FSHB: variants seen among roughly 807,000 people sequenced by gnomAD.
FSHB encodes the protein follicle stimulating hormone subunit beta, also known as follitropin subunit beta.
In FSHB, 8 loss-of-function variants were observed where a neutral mutation model predicts 12.1. That is an observed-to-expected ratio of 0.66 (90% CI 0.39 to 1.19). The LOEUF is 1.19. Among genes scored for constraint, FSHB ranks in the 50% most tolerant of loss-of-function variants. FSHB has a pLI of 0.01. For synonymous variants in FSHB, 55 were observed against 54.6 expected, an observed-to-expected ratio of 1.01 and a Z score of -0.04; for missense variants, 153 against 157.2, an observed-to-expected ratio of 0.97 and a Z score of 0.14.
At chr11:30,232,187 G>A in intron 2 of FSHB, 126 bp downstream of exon 2, 3 of 956,950 alleles carry the variant, frequency 3.1e-6, no homozygotes, top group Non-Finnish European at 4.8e-6. Flanking sequence ...AGCCAAGACT[G>A]TCTGTGTTGT....
chr11:30,232,104 G>A (rs374317916), intron 2 of FSHB, 43 bp downstream of exon 2: 36 of 1,595,576 alleles, frequency 2.3e-5, no homozygotes, highest in Non-Finnish European at 2.1e-5. Context: ...TTGAAGGTCT[G>A]TATTAGGCCG....
At position 30,231,984 on chromosome 11, in the gene FSHB, A is replaced by G. The variant is rs1261913889; in HGVS notation, c.82A>G (p.Ile28Val). The change falls in exon 2 of 3, where the codon ATT becomes GTT. Residue 28 changes from isoleucine (I) to valine (V), a missense_variant. By Grantham distance (29) the Ile-to-Val change is conservative. Transcript: ENST00000533718. The stretch of plus-strand genomic sequence containing the variant: ...TAGCTGTGAGCTGACCAACATCACC[A>G]TTGCAATAGAGAAAGAAGAATGTCG... ...CNSCELTNIT[I>V]AIEKEECRFC... 6.2e-7 allele frequency: 1 copy of G among 1,613,938 alleles called. No homozygotes were observed. The highest frequency in any genetic ancestry group is 1.3e-5 in the African/African-American group (1 of 75,034).
At chr11:30,232,461 C>T in intron 2 of FSHB, among the ~76,000 whole-genome samples, 1 of 152,130 alleles carries the variant, frequency 6.6e-6, no homozygotes, top group Non-Finnish European at 1.5e-5. Flanking sequence ...CAAAATCACA[C>T]CAAAATATGT....
chr11:30,233,850 T>C lies in FSHB; in HGVS notation c.*50T>C. The C allele has an allele frequency of 1.3e-6, 2 of 1,507,366 alleles. No homozygotes were observed. Among genetic ancestry groups the C allele is most frequent in the East Asian group, 2.3e-5 (1 of 43,926 alleles). 93.4% of individuals were successfully genotyped at this position (1,507,366 alleles called of 1,614,324 possible). A position where few individuals can be genotyped will look rare whatever the true frequency, so the allele number is the denominator to read the frequency against. On this transcript the variant is annotated 3_prime_UTR_variant, in exon 3 of 3. Coordinates refer to ENST00000533718, the MANE Select transcript of FSHB (RefSeq NM_001382289.1). ...ATACCCTTGTCCTGAAGGACCAAGA[T>C]ATTCAAAAAGTCTGTGTGTGTGCAA...
chr11:30,231,876 G>A lies in FSHB; in HGVS notation c.-27G>A. 6.2e-7 allele frequency: 1 copy of A among 1,613,278 alleles called. No homozygotes were observed. Among genetic ancestry groups the A allele is most frequent in the Non-Finnish European group, 8.5e-7 (1 of 1,179,438 alleles). On this transcript the variant is annotated 5_prime_UTR_variant, in exon 2 of 3. Transcript: ENST00000533718. Reference sequence around the variant, plus strand: ...TCTTTGGTTTCTCAGTTTCTAGTGGGCTTCATTGTTTGCTTCCCAGACCAG... The same window carrying A: ...TCTTTGGTTTCTCAGTTTCTAGTGGACTTCATTGTTTGCTTCCCAGACCAG...
rs1852058961 is a variant in FSHB, at chr11:30,234,703, G to C, written c.*903G>C. ...CTTTGGAATGACAAAGGATTTGAAA[G>C]TAGGTTTGAAAGCAGTTTCAGCAAT... On this transcript the variant is annotated 3_prime_UTR_variant, in exon 3 of 3. Transcript: ENST00000533718. 1 of 152,180 alleles carries C rather than the reference G, an allele frequency of 6.6e-6. No homozygotes were observed. Among genetic ancestry groups the C allele is most frequent in the African/African-American group, 2.4e-5 (1 of 41,450 alleles). The allele number at this position is 152,180 out of a possible 1,614,324, so 9.4% of individuals were successfully genotyped here. A position where few individuals can be genotyped will look rare whatever the true frequency, so the allele number is the denominator to read the frequency against.
In FSHB at chr11:30,233,778, C is replaced by A; in HGVS notation, c.368C>A (p.Ser123Tyr). The stretch of plus-strand genomic sequence containing the variant: ...CGAGGCCTGGGGCCCAGCTACTGCT[C>A]CTTTGGTGAAATGAAAGAATAAAGA... ...TVRGLGPSYC[S>Y]FGEMKE Residue 123 changes from serine to tyrosine, a missense_variant, in exon 3 of 3, where the codon TCC becomes TAC. Transcript: ENST00000533718. 1 of 1,613,832 alleles carries A rather than the reference C, an allele frequency of 6.2e-7. No homozygotes were observed. The highest frequency in any genetic ancestry group is 1.1e-5 in the South Asian group (1 of 91,056).
intron 2 of FSHB, 48 bp from the exon 3 acceptor site, chr11:30,233,522 A>G (rs1852035644): frequency 6.9e-7 from 1 of 1,443,178 alleles, no homozygotes; most frequent in East Asian, 2.3e-5. Context: ...TAAGCTAAAT[A>G]GGAACTTCCA....
intron 1 of FSHB, 75 bp from the exon 2 acceptor site, chr11:30,231,790 AT>A: frequency 8.7e-7 from 1 of 1,146,996 alleles, no homozygotes; most frequent in Non-Finnish European, 1.3e-6. Context: ...GCAAAATGTG[AT>A]TGAGGAGGAT....
rs763300762 is a variant in FSHB, at chr11:30,231,932, C to T, written c.30C>T (p.Phe10=). ...AGACACTCCAGTTTTTCTTCCTTTT[C>T]TGTTGCTGGAAAGCAATCTGCTGCA... is the stretch of plus-strand genomic sequence containing the variant. The part of the protein sequence containing the change: MKTLQFFFL[F]CCWKAICCNS... The change falls in exon 2 of 3, where the codon TTC becomes TTT. Residue 10 remains phenylalanine (F), a synonymous_variant. Coordinates refer to ENST00000533718, the MANE Select transcript of FSHB (RefSeq NM_001382289.1). 2.5e-6 allele frequency: 4 copies of T among 1,613,888 alleles called. No homozygotes were observed. The highest frequency in any genetic ancestry group is 3.4e-6 in the Non-Finnish European group (4 of 1,179,860).
At position 30,234,048 on chromosome 11, in the gene FSHB, C is replaced by G. The variant is rs1852047975; in HGVS notation, c.*248C>G. ...GGTTTATTCAGTCTTAACTCACAGA[C>G]TTGTGCCTGGTTTCTTCTTTAAAAA... On this transcript the variant is annotated 3_prime_UTR_variant, in exon 3 of 3. Coordinates refer to ENST00000533718, the MANE Select transcript of FSHB (RefSeq NM_001382289.1). 4.1e-6 allele frequency: 2 copies of G among 481,994 alleles called. No homozygotes were observed. 29.9% of individuals were successfully genotyped at this position (481,994 alleles called of 1,614,324 possible).
rs111823008 is a variant in FSHB, at chr11:30,231,855, T to C, written c.-37-11T>C. 100 of 1,605,154 alleles carry C rather than the reference T, an allele frequency of 6.2e-5. 1 individual carries two copies. The African/African-American group carries it at 1.1e-3, about 18-fold the overall frequency. ...AGCTTACATAATGATTATCGTTCTTTGGTTTCTCAGTTTCTAGTGGGCTTC... is the reference window on the plus strand; with the variant it reads ...AGCTTACATAATGATTATCGTTCTTCGGTTTCTCAGTTTCTAGTGGGCTTC... On this transcript the variant is annotated splice_polypyrimidine_tract_variant and intron_variant, in intron 1 of 2. Coordinates refer to ENST00000533718, the MANE Select transcript of FSHB (RefSeq NM_001382289.1).
In FSHB at chr11:30,233,589, C is replaced by T. The variant is rs369839978; in HGVS notation, c.179C>T (p.Pro60Leu). The change falls in exon 3 of 3, where the codon CCA (proline) becomes CTA (leucine). Residue 60 changes from proline to leucine, a missense_variant. Pro to Leu is a moderately conservative substitution (Grantham distance 98). Transcript: ENST00000533718. ...CYTRDLVYKDPARPKIQKTCT... is the reference protein window; with the variant it reads ...CYTRDLVYKDLARPKIQKTCT... Reference sequence around the variant, plus strand: ...CCTCAGGATCTGGTGTATAAGGACCCAGCCAGGCCCAAAATCCAGAAAACA... The same window carrying T: ...CCTCAGGATCTGGTGTATAAGGACCTAGCCAGGCCCAAAATCCAGAAAACA... 2 of 1,613,858 alleles carry T rather than the reference C, an allele frequency of 1.2e-6. No individual in the cohort carries two copies. The highest frequency in any genetic ancestry group is 1.7e-6 in the Non-Finnish European group (2 of 1,179,868).
Position 30,234,154 on chromosome 11 carries a change from T to G in FSHB, c.*354T>G. 5 of 326,044 alleles carry G rather than the reference T, an allele frequency of 1.5e-5. No homozygotes were observed. The highest frequency in any genetic ancestry group is 1.4e-4 in the South Asian group (5 of 36,658). 20.2% of individuals were successfully genotyped at this position (326,044 alleles called of 1,614,324 possible). On this transcript the variant is annotated 3_prime_UTR_variant, in exon 3 of 3. Transcript: ENST00000533718. ...AGGAGGAAGCAGTAATGGGAGTGAG[T>G]GAAAGAACTAACTGCAGCAGTCTTC...
Position 30,231,821 on chromosome 11 carries a change from G to T in FSHB, c.-37-45G>T, listed in dbSNP as rs914453530. On this transcript the variant is annotated intron_variant, in intron 1 of 2. Coordinates refer to ENST00000533718, the MANE Select transcript of FSHB (RefSeq NM_001382289.1). ...GAGGATGAGCAGACCAATTATTTTT[G>T]GTTTGGTCAGCTTACATAATGATTA... 1.8e-5 allele frequency: 26 copies of T among 1,477,700 alleles called. No homozygotes were observed. In the South Asian group the frequency reaches 3.0e-4, roughly 17 times the overall value. The allele number at this position is 1,477,700 out of a possible 1,614,324, so 91.5% of individuals were successfully genotyped here.
rs927511854 is a variant in FSHB, at chr11:30,233,927, C to T, written c.*127C>T. ...CAGGGGATTCAGACTCTACTGATCCCTGGTCTACTGGCAGAGGGAACTCTG... is the reference window on the plus strand; with the variant it reads ...CAGGGGATTCAGACTCTACTGATCCTTGGTCTACTGGCAGAGGGAACTCTG... On this transcript the variant is annotated 3_prime_UTR_variant, in exon 3 of 3. Coordinates refer to ENST00000533718, the MANE Select transcript of FSHB (RefSeq NM_001382289.1). The T allele has an allele frequency of 6.5e-6, 5 of 767,922 alleles. No individual in the cohort carries two copies. The highest frequency in any genetic ancestry group is 3.4e-5 in the African/African-American group (2 of 58,152). 47.6% of individuals were successfully genotyped at this position (767,922 alleles called of 1,614,324 possible).
At position 30,233,609 on chromosome 11, in the gene FSHB, A is replaced by G; in HGVS notation, c.199A>G (p.Lys67Glu). 2 of 1,614,016 alleles carry G rather than the reference A, an allele frequency of 1.2e-6. No homozygotes were observed. The highest frequency in any genetic ancestry group is 1.7e-5 in the Admixed American group (1 of 60,012). The change falls in exon 3 of 3, where the codon AAA becomes GAA. Residue 67 changes from lysine to glutamate, a missense_variant. By Grantham distance (56) the Lys-to-Glu change is moderately conservative (BLOSUM62 1). Transcript: ENST00000533718. ...GGACCCAGCCAGGCCCAAAATCCAG[A>G]AAACATGTACCTTCAAGGAACTGGT... ...YKDPARPKIQ[K>E]TCTFKELVYE...
rs539036244 is a variant in FSHB at position 30,232,720 on chromosome 11, T to C, written c.159+659T>C. ...AGTAGAGAAATAGTTTCCATGGTGC[T>C]TTCTTTTTTCTCTGCAGCACCCCTA... On this transcript the variant is annotated intron_variant, in intron 2 of 2. Coordinates refer to ENST00000533718, the MANE Select transcript of FSHB (RefSeq NM_001382289.1). 4.5e-4 allele frequency among the ~76,000 whole-genome samples: 69 copies of C among 152,330 alleles called. 2 individuals carry two copies. In the South Asian group the frequency reaches 0.014, roughly 31 times the overall value.
Position 30,234,756 on chromosome 11 carries a change from A to T in FSHB, c.*956A>T, listed in dbSNP as rs1852059671. 6.6e-6 allele frequency: 1 copy of T among 152,184 alleles called. No homozygotes were observed. 9.4% of individuals were successfully genotyped at this position (152,184 alleles called of 1,614,324 possible). ...AATAAATATAATTAATTTGTCTACA[A>T]ATATATTTGTATAAATAAATAGCTC... is the stretch of plus-strand genomic sequence containing the variant. On this transcript the variant is annotated 3_prime_UTR_variant, in exon 3 of 3. Transcript: ENST00000533718.
Sources: gnomAD v4.1 joint callset for allele counts (sites outside exome capture counted in the v4.1 genomes callset) on GRCh38, gnomAD v4.1.1 for gene constraint, MANE v1.5 for transcripts, NCBI Gene and HGNC (gene_info 2026-07-23, HGNC 2026-07-21) for gene names.